The following TBC1D4 variants were observed in gnomAD, a reference collection of about 807,000 sequenced individuals.
TBC1D4 encodes the protein TBC (Tre-2, BUB2, CDC16) domain-containing protein.
In TBC1D4, 121 loss-of-function variants were observed where a neutral mutation model predicts 142.5. The observed-to-expected ratio is 0.85, with a 90% CI of 0.73 to 0.99. The LOEUF (loss-of-function observed/expected upper bound fraction) is 0.99, where lower values mean the gene tolerates loss of function less well. TBC1D4 is among the 50% of genes least tolerant of loss of function. TBC1D4 has a pLI of 0.00. For synonymous variants in TBC1D4, 630 were observed against 628.2 expected (o/e 1.00, Z -0.04); for missense variants, 1,475 against 1,606.6 (o/e 0.92, Z 1.40).
intron 1 of TBC1D4, among the ~76,000 whole-genome samples, chr13:75,408,890 A>G (rs1885464587): frequency 6.6e-6 from 1 of 152,158 alleles, no homozygotes; most frequent in Non-Finnish European, 1.5e-5. Flanking sequence ...TAACCATTCA[A>G]ATACTTTGCC....
intron 8 of TBC1D4, among the ~76,000 whole-genome samples, chr13:75,329,455 G>C (rs1486696750): frequency 1.6e-5 from 2 of 128,748 alleles, no homozygotes. Flanking sequence ...TCTCTCCCCC[G>C]CTTGTTTTTT....
chr13:75,364,040 A>G (rs1275227068), intron 1 of TBC1D4, among the ~76,000 whole-genome samples: 1 of 152,328 alleles, frequency 6.6e-6, no homozygotes, highest in Non-Finnish European at 1.5e-5. Flanking sequence ...TGTAAGATGT[A>G]CATTGGTTCG....
chr13:75,374,859 C>T (rs995819921), intron 1 of TBC1D4, among the ~76,000 whole-genome samples: 6 of 152,282 alleles, frequency 3.9e-5, no homozygotes, highest in African/African-American at 1.4e-4. Flanking sequence ...ATAATAGACA[C>T]TGTTTTGTCA....
In TBC1D4 at chr13:75,411,384, A is replaced by G. The variant is rs111652176; in HGVS notation, c.499-48777T>C. 2.0e-3 allele frequency among the ~76,000 whole-genome samples: 299 copies of G among 152,306 alleles called. 3 individuals carry two copies. The highest frequency in any genetic ancestry group is 6.7e-3 in the African/African-American group (280 of 41,564). Reference sequence around the variant, plus strand: ...TAGGATTCCTCTCAAACCCACAAACATTTGGAGTAAAGGACATTTCCTAAA... The same window carrying G: ...TAGGATTCCTCTCAAACCCACAAACGTTTGGAGTAAAGGACATTTCCTAAA... On this transcript the variant is annotated intron_variant, in intron 1 of 20. Coordinates refer to ENST00000377636, the MANE Select transcript of TBC1D4 (RefSeq NM_014832.5).
At chr13:75,381,201 T>G (rs1204946568) in intron 1 of TBC1D4, among the ~76,000 whole-genome samples, 1 of 152,160 alleles carries the variant, frequency 6.6e-6, no homozygotes, top group African/African-American at 2.4e-5. Flanking sequence ...CCACCTCCTC[T>G]TCATTATCAA....
At chr13:75,399,880 T>A (rs1236759688) in intron 1 of TBC1D4, among the ~76,000 whole-genome samples, 2 of 152,162 alleles carry the variant, frequency 1.3e-5, no homozygotes, top group South Asian at 4.1e-4. Flanking sequence ...CCAGCCACCA[T>A]GCAGGAAGTC....
intron 12 of TBC1D4, among the ~76,000 whole-genome samples, chr13:75,318,009 A>AGC (rs1878456722): frequency 6.6e-6 from 1 of 152,238 alleles, no homozygotes; most frequent in Admixed American, 6.5e-5. Flanking sequence ...TCCTTGAACA[A>AGC]GCAGTTATAG....
At chr13:75,464,747 G>C (rs1224073052) in intron 1 of TBC1D4, among the ~76,000 whole-genome samples, 2 of 152,212 alleles carry the variant, frequency 1.3e-5, no homozygotes, top group Non-Finnish European at 2.9e-5. Context: ...TGTATGTCCA[G>C]GGACAAACTT....
intron 1 of TBC1D4, among the ~76,000 whole-genome samples, chr13:75,459,403 A>T (rs1252106722): frequency 6.6e-6 from 1 of 152,006 alleles, no homozygotes; most frequent in African/African-American, 2.4e-5. Flanking sequence ...CTCCCTCATA[A>T]ATGTGTGTTT....
Position 75,286,976 on chromosome 13 carries a change from A to G in TBC1D4, c.3713T>C (p.Leu1238Ser), listed in dbSNP as rs751235680. 24 of 1,613,836 alleles carry G rather than the reference A, an allele frequency of 1.5e-5. No homozygotes were observed. In the South Asian group the frequency reaches 2.6e-4, roughly 18 times the overall value. Residue 1238 changes from leucine to serine, a missense_variant, in exon 21 of 21, where the codon TTG becomes TCG. Leu to Ser is a moderately radical substitution (Grantham distance 145). Coordinates refer to ENST00000377636, the MANE Select transcript of TBC1D4 (RefSeq NM_014832.5). ...QALESNLENL[L>S]TRETKMKSLI... ...AGACTTCATTTTGGTCTCTCTCGTC[A>G]AAAGATTTTCCAGGTTTGATTCCAA...
intron 1 of TBC1D4, among the ~76,000 whole-genome samples, chr13:75,477,555 TGTTA>T (rs990538965): frequency 1.3e-5 from 2 of 152,028 alleles, no homozygotes; most frequent in Non-Finnish European, 2.9e-5. Flanking sequence ...CACAGGCAAA[TGTTA>T]ATTAAAAATT....
intron 12 of TBC1D4, among the ~76,000 whole-genome samples, chr13:75,318,457 A>C (rs546682914): frequency 3.3e-5 from 5 of 152,274 alleles, no homozygotes; most frequent in Non-Finnish European, 5.9e-5. Context: ...AAACTTCATT[A>C]GTGTGATAGC....
chr13:75,395,699 G>A (rs564750868), intron 1 of TBC1D4, among the ~76,000 whole-genome samples: 43 of 152,042 alleles, frequency 2.8e-4, no homozygotes, highest in African/African-American at 9.4e-4. Context: ...GTGTGGTGGC[G>A]CACACCTGTA....
At chr13:75,353,720 T>C (rs968019039) in intron 4 of TBC1D4, among the ~76,000 whole-genome samples, 2 of 152,080 alleles carry the variant, frequency 1.3e-5, no homozygotes, top group Non-Finnish European at 2.9e-5. Context: ...ACTCAGACTA[T>C]AGTAGGGCAG....
chr13:75,430,215 A>C (rs1886540007), intron 1 of TBC1D4, among the ~76,000 whole-genome samples: 1 of 152,216 alleles, frequency 6.6e-6, no homozygotes. Context: ...TATAAAATTT[A>C]CTCTATAATC....
intron 4 of TBC1D4, among the ~76,000 whole-genome samples, chr13:75,352,273 T>C (rs1343345989): frequency 1.3e-5 from 2 of 152,170 alleles, no homozygotes; most frequent in Admixed American, 1.3e-4. Context: ...ACTTCCCAGA[T>C]TTTGTATCTC....
chr13:75,356,739 T>C (rs1280606475), intron 3 of TBC1D4, among the ~76,000 whole-genome samples: 1 of 152,214 alleles, frequency 6.6e-6, no homozygotes, highest in Non-Finnish European at 1.5e-5. Flanking sequence ...TTATAGACAC[T>C]CAAGCAGCCA....
chr13:75,355,219 A>G (rs1430618975), intron 4 of TBC1D4, among the ~76,000 whole-genome samples: 1 of 152,202 alleles, frequency 6.6e-6, no homozygotes, highest in Non-Finnish European at 1.5e-5. Context: ...TATATGACGA[A>G]GTTGTATGTG....
chr13:75,370,742 G>A (rs1883179409), intron 1 of TBC1D4, among the ~76,000 whole-genome samples: 1 of 152,150 alleles, frequency 6.6e-6, no homozygotes, highest in African/African-American at 2.4e-5. Flanking sequence ...AAGAGGAGAT[G>A]TCAGTAGGCA....
Sources: gnomAD v4.1 joint callset for allele counts (sites outside exome capture counted in the v4.1 genomes callset) on GRCh38, gnomAD v4.1.1 for gene constraint, MANE v1.5 for transcripts, NCBI Gene and HGNC (gene_info 2026-07-23, HGNC 2026-07-21) for gene names.